The following THSD7B variants were observed in gnomAD, a reference collection of about 807,000 sequenced individuals.
The protein encoded by THSD7B is thrombospondin type 1 domain containing 7B, also known as thrombospondin type-1 domain-containing protein 7B.
A neutral mutation model predicts 213.6 loss-of-function variants in THSD7B; 138 were observed. That is an observed-to-expected ratio of 0.65 (90% CI 0.56 to 0.74). The LOEUF is 0.74. Among genes scored for constraint, THSD7B ranks in the 30% least tolerant of loss-of-function variants. THSD7B has a pLI of 0.00. For missense variants in THSD7B, 1,931 were observed against 1,991.5 expected, an observed-to-expected ratio of 0.97 and a Z score of 0.58; for synonymous variants, 742 against 687.0, an observed-to-expected ratio of 1.08 and a Z score of -1.25.
At chr2:137,374,056 A>G (rs372416338) in intron 12 of THSD7B, among the ~76,000 whole-genome samples, 2 of 151,388 alleles carry the variant, frequency 1.3e-5, no homozygotes, top group Non-Finnish European at 2.9e-5. Flanking sequence ...CCATTGATCT[A>G]TATCTCTGTT....
At chr2:137,366,389 A>G (rs1685408643) in intron 12 of THSD7B, among the ~76,000 whole-genome samples, 1 of 152,078 alleles carries the variant, frequency 6.6e-6, no homozygotes, top group Admixed American at 6.6e-5. Flanking sequence ...TTAAAGTATA[A>G]TAATAAAAAA....
At chr2:137,176,738 A>G (rs2105000970) in intron 7 of THSD7B, among the ~76,000 whole-genome samples, 1 of 152,294 alleles carries the variant, frequency 6.6e-6, no homozygotes, top group Non-Finnish European at 1.5e-5. Context: ...AGCAGTCTTC[A>G]ACTATTGATT....
intron 2 of THSD7B, among the ~76,000 whole-genome samples, chr2:136,984,482 G>T (rs781404133): frequency 6.6e-6 from 1 of 152,154 alleles, no homozygotes; most frequent in Non-Finnish European, 1.5e-5. Context: ...TGGTTTCCTA[G>T]CTTTGCCCTT....
At chr2:137,089,276 A>ATG (rs1558916482) in intron 3 of THSD7B, among the ~76,000 whole-genome samples, 2,784 of 119,536 alleles carry the variant, frequency 0.023, 90 homozygotes, top group African/African-American at 0.074. Context: ...GTGTGTGTGT[A>ATG]TATGTATATA....
At chr2:137,662,229 AT>A (rs36040861) in intron 25 of THSD7B, among the ~76,000 whole-genome samples, 1,178 of 101,806 alleles carry the variant, frequency 0.012, 18 homozygotes, top group African/African-American at 0.022. Context: ...CGCCCGGCTA[AT>A]TTTTTTTTTT....
intron 7 of THSD7B, among the ~76,000 whole-genome samples, chr2:137,186,913 G>C (rs1213461912): frequency 6.6e-6 from 1 of 151,840 alleles, no homozygotes; most frequent in African/African-American, 2.4e-5. Flanking sequence ...TTTTTATAGA[G>C]ATCTTTCACC....
At chr2:137,474,393 T>C (rs1020666618) in intron 15 of THSD7B, among the ~76,000 whole-genome samples, 1 of 152,206 alleles carries the variant, frequency 6.6e-6, no homozygotes, top group African/African-American at 2.4e-5. Context: ...CTCCCTTTTC[T>C]CTATTTTTTT....
At chr2:137,273,278 T>A (rs767931667) in intron 11 of THSD7B, among the ~76,000 whole-genome samples, 4 of 152,090 alleles carry the variant, frequency 2.6e-5, no homozygotes, top group African/African-American at 7.2e-5. Context: ...GAATAACTTT[T>A]AAACTATGTA....
At chr2:137,481,220 A>T (rs1688299775) in intron 15 of THSD7B, among the ~76,000 whole-genome samples, 1 of 152,246 alleles carries the variant, frequency 6.6e-6, no homozygotes, top group Non-Finnish European at 1.5e-5. Flanking sequence ...TAGTACAAAC[A>T]TACTAAGACT....
chr2:137,075,896 C>T (rs751648924), intron 3 of THSD7B, among the ~76,000 whole-genome samples: 1 of 152,136 alleles, frequency 6.6e-6, no homozygotes, highest in African/African-American at 2.4e-5. Context: ...GGCTGCTGAA[C>T]AGTGGATTTT....
In THSD7B at chr2:136,929,069, G is replaced by A. The variant is rs144328418; in HGVS notation, c.139+46752G>A. ...TGTAATAGCCATCAACATGAAAAACGTAACAGATTGATAATACCATTGAGT... is the reference window on the plus strand; with the variant it reads ...TGTAATAGCCATCAACATGAAAAACATAACAGATTGATAATACCATTGAGT... On this transcript the variant is annotated intron_variant, in intron 2 of 27. Coordinates refer to ENST00000409968, the MANE Select transcript of THSD7B (RefSeq NM_001316349.2). Among the ~76,000 whole-genome samples, 1,338 of 152,150 alleles carry A rather than the reference G, an allele frequency of 8.8e-3. 19 individuals carry two copies. The highest frequency in any genetic ancestry group is 0.03 in the African/African-American group (1,260 of 41,526).
At chr2:137,230,964 C>A in intron 7 of THSD7B, 80 bp from the exon 8 acceptor site, 1 of 1,356,526 alleles carries the variant, frequency 7.4e-7, no homozygotes, top group East Asian at 2.4e-5. Context: ...TGGGGGGGTA[C>A]TTTAAACTGA....
chr2:137,180,403 A>G (rs1406746239), intron 7 of THSD7B, among the ~76,000 whole-genome samples: 1 of 152,140 alleles, frequency 6.6e-6, no homozygotes, highest in East Asian at 1.9e-4. Flanking sequence ...TCAGTTATCA[A>G]TGCCTTTACT....
Position 137,546,436 on chromosome 2 carries a change from TATATATATTATATATATA to T in THSD7B, c.3139-16784_3139-16767del, listed in dbSNP as rs1573698560. Among the ~76,000 whole-genome samples the T allele has an allele frequency of 1.5e-4, 3 of 20,294 alleles. No individual in the cohort carries two copies. In the East Asian group the frequency reaches 3.2e-3, roughly 22 times the overall value. 13.3% of individuals were successfully genotyped at this position (20,294 alleles called of 152,430 possible). On this transcript the variant is annotated intron_variant, in intron 15 of 27. Transcript: ENST00000409968. ...TATATTATATATATTATATATATAT[TATATATATTATATATATA>T]TTATATATAATATATATATATATAA... is the stretch of plus-strand genomic sequence containing the variant.
intron 2 of THSD7B, among the ~76,000 whole-genome samples, chr2:136,985,443 G>A (rs1012601169): frequency 3.3e-5 from 5 of 152,188 alleles, no homozygotes; most frequent in Admixed American, 2.6e-4. Flanking sequence ...ATACTACTTA[G>A]GCCACTGCTT....
At chr2:137,283,742 A>G (rs1274071445) in intron 12 of THSD7B, among the ~76,000 whole-genome samples, 6 of 152,130 alleles carry the variant, frequency 3.9e-5, no homozygotes, top group Non-Finnish European at 7.3e-5. Flanking sequence ...CATCCCAGGA[A>G]TGAAGCCCAC....
intron 5 of THSD7B, among the ~76,000 whole-genome samples, chr2:137,156,714 AG>A (rs1273931176): frequency 6.6e-6 from 1 of 152,168 alleles, no homozygotes; most frequent in Admixed American, 6.5e-5. Flanking sequence ...CGTATTTCCC[AG>A]GCTTTTTACA....
chr2:137,298,033 G>C (rs1216949622), intron 12 of THSD7B, among the ~76,000 whole-genome samples: 1 of 152,058 alleles, frequency 6.6e-6, no homozygotes, highest in Non-Finnish European at 1.5e-5. Context: ...GGAACAATTT[G>C]GAGGGCTCAG....
At chr2:137,223,911 C>T (rs754048477) in intron 7 of THSD7B, among the ~76,000 whole-genome samples, 96 of 152,082 alleles carry the variant, frequency 6.3e-4, no homozygotes, top group Non-Finnish European at 1.2e-3. Flanking sequence ...ACCCCCGCTT[C>T]CTCCTAACTC....
Sources: gnomAD v4.1 joint callset for allele counts (sites outside exome capture counted in the v4.1 genomes callset) on GRCh38, gnomAD v4.1.1 for gene constraint, MANE v1.5 for transcripts, NCBI Gene and HGNC (gene_info 2026-07-23, HGNC 2026-07-21) for gene names.